The following C1orf146 variants were observed in gnomAD, a reference collection of about 807,000 sequenced individuals.
C1orf146 encodes the protein chromosome 1 open reading frame 146, also known as protein SPO16 homolog.
Under a neutral mutation model 23.0 loss-of-function variants are expected in C1orf146, and 22 were observed. That is an observed-to-expected ratio of 0.96 (90% CI 0.68 to 1.36). C1orf146 has a LOEUF of 1.36. C1orf146 is among the 40% of genes most tolerant of loss of function. C1orf146 has a pLI of 0.00. For synonymous variants in C1orf146, 59 were observed against 65.3 expected (o/e 0.90, Z 0.47); for missense variants, 199 against 206.8 (o/e 0.96, Z 0.23).
intron 1 of C1orf146, among the ~76,000 whole-genome samples, chr1:92,227,708 T>C (rs1000635516): frequency 2.0e-5 from 3 of 152,188 alleles, no homozygotes; most frequent in Non-Finnish European, 4.4e-5. Flanking sequence ...GACAATTATT[T>C]CCTTTCACCA....
chr1:92,222,058 C>G (rs548515850), intron 1 of C1orf146, among the ~76,000 whole-genome samples: 159 of 152,022 alleles, frequency 1.0e-3, no homozygotes, highest in African/African-American at 3.8e-3. Context: ...GCCAATGTGG[C>G]GAAACCCCAT....
At chr1:92,233,269 CT>C (rs1424207758) in intron 2 of C1orf146, among the ~76,000 whole-genome samples, 1 of 151,924 alleles carries the variant, frequency 6.6e-6, no homozygotes, top group African/African-American at 2.4e-5. Flanking sequence ...TTTAATCCAT[CT>C]TGAATTGATT....
chr1:92,230,955 T>G, intron 1 of C1orf146, among the ~76,000 whole-genome samples: 1 of 152,158 alleles, frequency 6.6e-6, no homozygotes, highest in East Asian at 1.9e-4. Context: ...CATCACCCTG[T>G]GGGAATTGGG....
At chr1:92,238,029 A>T (rs551027132) in intron 2 of C1orf146, among the ~76,000 whole-genome samples, 1 of 152,282 alleles carries the variant, frequency 6.6e-6, no homozygotes, top group South Asian at 2.1e-4. Flanking sequence ...TCTCGGGCTC[A>T]AGTGATTCTC....
At chr1:92,229,516 C>A in intron 1 of C1orf146, 1 of 417,618 alleles carries the variant, frequency 2.4e-6, no homozygotes, top group South Asian at 2.0e-5. Context: ...TGGACCTGAT[C>A]CGGAAGTTTG....
chr1:92,243,518 T>C (rs1024109612), intron 3 of C1orf146, among the ~76,000 whole-genome samples: 34 of 152,116 alleles, frequency 2.2e-4, no homozygotes, highest in Non-Finnish European at 1.5e-5. Context: ...AGCTAATTTT[T>C]GTATTTTTAG....
At chr1:92,244,525 A>T in intron 4 of C1orf146, 140 bp downstream of exon 4, 3 of 734,744 alleles carry the variant, frequency 4.1e-6, no homozygotes, top group Non-Finnish European at 6.6e-6. Flanking sequence ...CATGGGCCAA[A>T]TAGCTATTCT....
intron 1 of C1orf146, among the ~76,000 whole-genome samples, chr1:92,230,112 G>T (rs990274401): frequency 6.6e-6 from 1 of 152,064 alleles, no homozygotes; most frequent in African/African-American, 2.4e-5. Flanking sequence ...TAGTGCAGTG[G>T]TTCTTAAAGT....
rs370892737 is a variant in C1orf146, at chr1:92,239,705, C to T, written c.67-2507C>T. 5.6e-4 allele frequency among the ~76,000 whole-genome samples: 85 copies of T among 151,706 alleles called. 1 individual carries two copies. Among genetic ancestry groups the T allele is most frequent in the African/African-American group, 2.0e-3 (81 of 41,336 alleles). ...AGGCAGAGGTTGCAGTGTCCAAGAT[C>T]ATGCCATTGCACTCCAGTCTGGGTG... is the stretch of plus-strand genomic sequence containing the variant. On this transcript the variant is annotated intron_variant, in intron 2 of 5. Coordinates refer to ENST00000370375, the MANE Select transcript of C1orf146 (RefSeq NM_001012425.2).
chr1:92,239,971 T>A (rs555925884), intron 2 of C1orf146, among the ~76,000 whole-genome samples: 36 of 152,308 alleles, frequency 2.4e-4, no homozygotes, highest in African/African-American at 8.7e-4. Flanking sequence ...AGTGTTGAAC[T>A]AAATTGTCTC....
chr1:92,229,942 A>C (rs1016399074), intron 1 of C1orf146, among the ~76,000 whole-genome samples: 6 of 152,172 alleles, frequency 3.9e-5, no homozygotes, highest in Non-Finnish European at 7.3e-5. Context: ...GTGAGATTCC[A>C]TTTCATGCTA....
intron 3 of C1orf146, among the ~76,000 whole-genome samples, chr1:92,243,641 A>G (rs1272545121): frequency 6.6e-6 from 1 of 152,140 alleles, no homozygotes; most frequent in Non-Finnish European, 1.5e-5. Context: ...CACTGCACCC[A>G]GCCAAAGGCT....
At chr1:92,222,014 G>A (rs1237972582) in intron 1 of C1orf146, among the ~76,000 whole-genome samples, 2 of 152,148 alleles carry the variant, frequency 1.3e-5, no homozygotes, top group East Asian at 3.9e-4. Context: ...GTCTAAGGTG[G>A]GCAGATCACC....
intron 1 of C1orf146, among the ~76,000 whole-genome samples, chr1:92,218,984 C>T (rs982601067): frequency 4.6e-5 from 7 of 152,106 alleles, no homozygotes; most frequent in African/African-American, 1.7e-4. Flanking sequence ...TTATTGTGCA[C>T]GTGATTACTT....
intron 3 of C1orf146, among the ~76,000 whole-genome samples, chr1:92,243,935 G>T (rs1652496462): frequency 6.6e-6 from 1 of 150,868 alleles, no homozygotes; most frequent in Non-Finnish European, 1.5e-5. Context: ...GTATCTTCAT[G>T]TGGACAATGT....
intron 1 of C1orf146, among the ~76,000 whole-genome samples, chr1:92,226,400 C>CACACACACACACACAT (rs1490713759): frequency 7.3e-6 from 1 of 137,300 alleles, no homozygotes; most frequent in East Asian, 1.9e-4. Context: ...TGCACGCATG[C>CACACACACACACACAT]ACACACACAC....
chr1:92,238,339 T>G (rs958700331), intron 2 of C1orf146, among the ~76,000 whole-genome samples: 1 of 152,250 alleles, frequency 6.6e-6, no homozygotes, highest in African/African-American at 2.4e-5. Flanking sequence ...AACAAGTGTT[T>G]TTTTGTTTTG....
At chr1:92,239,082 C>T (rs1268865357) in intron 2 of C1orf146, among the ~76,000 whole-genome samples, 1 of 152,054 alleles carries the variant, frequency 6.6e-6, no homozygotes, top group African/African-American at 2.4e-5. Context: ...TTTTAGGGAG[C>T]TTTCTTAACT....
intron 2 of C1orf146, among the ~76,000 whole-genome samples, chr1:92,241,713 T>C (rs1189105337): frequency 6.6e-6 from 1 of 152,168 alleles, no homozygotes; most frequent in Non-Finnish European, 1.5e-5. Context: ...TCAAATGATC[T>C]GCCCACCTTG....
Sources: allele counts gnomAD v4.1 joint callset (sites outside exome capture counted in the v4.1 genomes callset), GRCh38; gene constraint gnomAD v4.1.1; transcripts MANE v1.5; gene names NCBI Gene and HGNC (gene_info 2026-07-23, HGNC 2026-07-21).